The following CTNNA3 variants were observed in gnomAD, a reference collection of about 807,000 sequenced individuals.
The protein encoded by CTNNA3 is catenin alpha 3, also known as catenin alpha-3.
Under a neutral mutation model 95.7 loss-of-function variants are expected in CTNNA3, and 76 were observed. The ratio of observed to expected loss-of-function variants is 0.79; its 90% CI spans 0.66 to 0.96. CTNNA3 has a LOEUF of 0.96. Ranked by LOEUF, CTNNA3 falls within the 40% of genes least tolerant of loss-of-function variation. The pLI is 0.00. For synonymous variants in CTNNA3, 431 were observed against 374.4 expected (o/e 1.15, Z -1.74); for missense variants, 1,191 against 1,089.8 (o/e 1.09, Z -1.31).
rs1042390547 is a variant in CTNNA3, at chr10:67,114,533, G to A, written c.1047+65784C>T. On this transcript the variant is annotated intron_variant, in intron 7 of 17. Transcript: ENST00000433211. ...GATTTTTTTTATTGTTTTTCCTGCT[G>A]CCATCAACTTTTGTTATACTATAAA... is the stretch of plus-strand genomic sequence containing the variant. Among the ~76,000 whole-genome samples the A allele has an allele frequency of 3.9e-5, 6 of 152,108 alleles. No homozygotes were observed. In the South Asian group the frequency reaches 1.2e-3, roughly 32 times the overall value.
At chr10:66,457,741 C>T (rs2093504207) in intron 11 of CTNNA3, among the ~76,000 whole-genome samples, 1 of 151,864 alleles carries the variant, frequency 6.6e-6, no homozygotes, top group Non-Finnish European at 1.5e-5. Context: ...AAGGATGACA[C>T]TGAAACAAAA....
chr10:67,289,865 G>A (rs2132465460), intron 5 of CTNNA3, among the ~76,000 whole-genome samples: 1 of 151,894 alleles, frequency 6.6e-6, no homozygotes, highest in Non-Finnish European at 1.5e-5. Context: ...TGATGGAGTG[G>A]AGTGGCTCAC....
chr10:66,347,428 T>C (rs78551817), intron 12 of CTNNA3, among the ~76,000 whole-genome samples: 6,824 of 151,974 alleles, frequency 0.045, 358 homozygotes, highest in East Asian at 0.23. Flanking sequence ...TGGGGCAAGA[T>C]TTTTGTGAGA....
intron 9 of CTNNA3, among the ~76,000 whole-genome samples, chr10:66,655,576 G>A (rs10762086): frequency 0.66 from 100,270 of 151,900 alleles, 34,001 homozygotes; most frequent in East Asian, 0.95. Context: ...AAGAAAACAT[G>A]GAATGAATGC....
chr10:66,425,688 A>G (rs1357585340), intron 11 of CTNNA3, among the ~76,000 whole-genome samples: 1 of 118,948 alleles, frequency 8.4e-6, no homozygotes, highest in Admixed American at 7.5e-5. Flanking sequence ...ATATATATAT[A>G]CACACACACA....
At chr10:66,750,923 C>A (rs1839107061) in intron 9 of CTNNA3, among the ~76,000 whole-genome samples, 1 of 151,930 alleles carries the variant, frequency 6.6e-6, no homozygotes, top group African/African-American at 2.4e-5. Flanking sequence ...AAATTTATAC[C>A]TAAGTATTTC....
At chr10:67,762,912 C>T (rs1841469998) in intron 1 of CTNNA3, among the ~76,000 whole-genome samples, 1 of 152,102 alleles carries the variant, frequency 6.6e-6, no homozygotes, top group South Asian at 2.1e-4. Context: ...CAATTGATCA[C>T]GACCCTCTCA....
intron 11 of CTNNA3, among the ~76,000 whole-genome samples, chr10:66,460,639 A>C (rs564008163): frequency 1.2e-3 from 184 of 152,162 alleles, no homozygotes; most frequent in African/African-American, 4.4e-3. Flanking sequence ...CCCATGCTGC[A>C]GCCCATAGAG....
intron 7 of CTNNA3, among the ~76,000 whole-genome samples, chr10:66,869,497 C>T (rs1916386): frequency 0.14 from 21,298 of 151,866 alleles, 1,927 homozygotes; most frequent in African/African-American, 0.26. Context: ...CACTTGAACC[C>T]GGGAGGCGGA....
intron 17 of CTNNA3, among the ~76,000 whole-genome samples, chr10:65,957,598 A>C (rs2601755): frequency 0.73 from 111,252 of 152,032 alleles, 41,156 homozygotes; most frequent in Middle Eastern, 0.85. Context: ...GTGACAAAAT[A>C]TCTCAGCATT....
chr10:67,273,514 G>C (rs1348934848), intron 5 of CTNNA3, among the ~76,000 whole-genome samples: 1 of 152,160 alleles, frequency 6.6e-6, no homozygotes, highest in Non-Finnish European at 1.5e-5. Flanking sequence ...TCAGGAAAGA[G>C]TGTGACCATT....
chr10:66,302,706 A>C (rs540238433), intron 12 of CTNNA3, among the ~76,000 whole-genome samples: 3 of 152,124 alleles, frequency 2.0e-5, no homozygotes, highest in African/African-American at 4.8e-5. Flanking sequence ...GCACTTTACT[A>C]TCTGTACTAT....
intron 13 of CTNNA3, among the ~76,000 whole-genome samples, chr10:66,110,348 T>G (rs2082074252): frequency 7.5e-6 from 1 of 133,890 alleles, no homozygotes; most frequent in Non-Finnish European, 1.5e-5. Context: ...GGTGACAGAA[T>G]GAGACTCTGT....
intron 13 of CTNNA3, among the ~76,000 whole-genome samples, chr10:66,226,983 A>G (rs1319926099): frequency 6.6e-6 from 1 of 151,994 alleles, no homozygotes; most frequent in Non-Finnish European, 1.5e-5. Flanking sequence ...TATATATAAG[A>G]TCATGTCATC....
chr10:67,503,248 G>A (rs186540698), intron 5 of CTNNA3, among the ~76,000 whole-genome samples: 50 of 152,224 alleles, frequency 3.3e-4, no homozygotes, highest in African/African-American at 1.1e-3. Context: ...TGCACTTCCC[G>A]GGTGAAGCAA....
chr10:66,487,878 T>C (rs1839794154), intron 11 of CTNNA3, among the ~76,000 whole-genome samples: 2 of 152,160 alleles, frequency 1.3e-5, no homozygotes, highest in Non-Finnish European at 2.9e-5. Context: ...TTTAAAAAGC[T>C]TGGTGGCTGT....
At chr10:66,233,252 CTTCATGACCTTAAAG>C (rs1367099345) in intron 13 of CTNNA3, among the ~76,000 whole-genome samples, 8 of 150,364 alleles carry the variant, frequency 5.3e-5, no homozygotes, top group African/African-American at 2.0e-4. Flanking sequence ...TACACAGTAT[CTTCATGACCTTAAAG>C]TTTAGCAATT....
chr10:66,347,769 T>C (rs943538355), intron 12 of CTNNA3, among the ~76,000 whole-genome samples: 2 of 152,074 alleles, frequency 1.3e-5, no homozygotes, highest in Non-Finnish European at 2.9e-5. Flanking sequence ...ATTATCTGGA[T>C]TACAGTACAG....
intron 3 of CTNNA3, among the ~76,000 whole-genome samples, chr10:67,554,990 A>T (rs1394255518): frequency 6.6e-6 from 1 of 152,144 alleles, no homozygotes; most frequent in African/African-American, 2.4e-5. Context: ...CAGTTTTCCC[A>T]GCACCATTTA....
Sources: allele counts gnomAD v4.1 joint callset (sites outside exome capture counted in the v4.1 genomes callset), GRCh38; gene constraint gnomAD v4.1.1; transcripts MANE v1.5; gene names NCBI Gene and HGNC (gene_info 2026-07-23, HGNC 2026-07-21).